The following FAM178B variants were observed in gnomAD, a reference collection of about 807,000 sequenced individuals.
FAM178B encodes protein FAM178B.
In FAM178B, 82 loss-of-function variants were observed where a neutral mutation model predicts 91.7. The observed-to-expected ratio is 0.89, with a 90% CI of 0.75 to 1.07. The LOEUF (loss-of-function observed/expected upper bound fraction) is 1.07. Ranked by LOEUF, FAM178B falls within the 50% of genes least tolerant of loss-of-function variation. The pLI, the probability that FAM178B is intolerant of heterozygous loss-of-function variation, is 0.00. For missense variants in FAM178B, 769 were observed against 846.7 expected, an observed-to-expected ratio of 0.91 and a Z score of 1.14; for synonymous variants, 368 against 359.4, an observed-to-expected ratio of 1.02 and a Z score of -0.27.
intron 8 of FAM178B, among the ~76,000 whole-genome samples, chr2:96,929,582 C>T (rs765953434): frequency 1.1e-4 from 16 of 152,222 alleles, no homozygotes; most frequent in Non-Finnish European, 2.4e-4. Context: ...ACTCCCTGAC[C>T]ATCTGGCCAT....
intron 6 of FAM178B, among the ~76,000 whole-genome samples, chr2:96,959,347 C>G (rs2082048276): frequency 6.6e-6 from 1 of 151,790 alleles, no homozygotes; most frequent in African/African-American, 2.4e-5. Context: ...GTTCTCTATA[C>G]TTTGATATGT....
At chr2:96,973,640 T>C (rs1047770161) in intron 1 of FAM178B, among the ~76,000 whole-genome samples, 1 of 152,086 alleles carries the variant, frequency 6.6e-6, no homozygotes, top group Non-Finnish European at 1.5e-5. Flanking sequence ...TCAAACTCAA[T>C]AGTGAAAGAA....
chr2:96,984,132 G>C (rs2082395888), intron 1 of FAM178B, among the ~76,000 whole-genome samples: 1 of 151,906 alleles, frequency 6.6e-6, no homozygotes, highest in Admixed American at 6.6e-5. Flanking sequence ...ACCACACCCA[G>C]CTAATTTTTA....
At chr2:96,964,325 C>G (rs1052093769) in intron 5 of FAM178B, among the ~76,000 whole-genome samples, 1 of 152,164 alleles carries the variant, frequency 6.6e-6, no homozygotes, top group Admixed American at 6.5e-5. Context: ...ACCAGGAACT[C>G]TGTGTGTTAT....
chr2:96,906,205 T>C (rs1349559370), intron 12 of FAM178B, among the ~76,000 whole-genome samples: 1 of 106,126 alleles, frequency 9.4e-6, no homozygotes. Flanking sequence ...TTTTTCTTTC[T>C]TTTTTTTTTT....
chr2:96,916,666 T>TGTTTCAGGTGGTCTGCCTTAGTATTC (rs1340281211), intron 12 of FAM178B, among the ~76,000 whole-genome samples: 1 of 152,234 alleles, frequency 6.6e-6, no homozygotes, highest in East Asian at 1.9e-4. Context: ...CCCTTGGCTC[T>TGTTTCAGGTGGTCTGCCTTAGTATTC]GTTTCAGGTG....
chr2:96,951,365 C>T lies in FAM178B; in HGVS notation c.993+14G>A, dbSNP rs752131847. 15 of 1,537,756 alleles carry T rather than the reference C, an allele frequency of 9.8e-6. No homozygotes were observed. In the Admixed American group the frequency reaches 2.7e-4, roughly 28 times the overall value. ...AGCGCTCCCGCCACCTAGTGGCAGG[C>T]CTGCGGTCCTCACCTGGAACAGCCA... On this transcript the variant is annotated intron_variant, in intron 7 of 16. Transcript: ENST00000490605.
intron 1 of FAM178B, among the ~76,000 whole-genome samples, chr2:96,975,094 CAAAAAAAAAAAAAAAA>C (rs34807786): frequency 1.8e-5 from 1 of 56,272 alleles, no homozygotes; most frequent in Non-Finnish European, 2.7e-5. Context: ...GACTCTGTCT[CAAAAAAAAAAAAAAAA>C]AAAAAAAAGA....
chr2:96,950,462 G>A (rs544001774), intron 7 of FAM178B, among the ~76,000 whole-genome samples: 1 of 152,300 alleles, frequency 6.6e-6, no homozygotes, highest in East Asian at 1.9e-4. Flanking sequence ...TCTCTGGACT[G>A]CAGCCAGCCT....
At chr2:96,906,558 A>G (rs2081059596) in intron 12 of FAM178B, among the ~76,000 whole-genome samples, 1 of 152,008 alleles carries the variant, frequency 6.6e-6, no homozygotes, top group South Asian at 2.1e-4. Flanking sequence ...TACTCACTCA[A>G]CACTTCCCAC....
rs139640542 is a variant in FAM178B at position 96,908,253 on chromosome 2, C to T, written c.1563-5546G>A. On this transcript the variant is annotated intron_variant, in intron 12 of 16. Transcript: ENST00000490605. Reference sequence around the variant, plus strand: ...GGACACAGTCGGCCACAGACCCAGACGAGTGGACCACCACAGGGCAACATG... The same window carrying T: ...GGACACAGTCGGCCACAGACCCAGATGAGTGGACCACCACAGGGCAACATG... Among the ~76,000 whole-genome samples, 10 of 152,312 alleles carry T rather than the reference C, an allele frequency of 6.6e-5. No individual in the cohort carries two copies. In the East Asian group the frequency reaches 1.7e-3, roughly 26 times the overall value.
intron 1 of FAM178B, among the ~76,000 whole-genome samples, chr2:96,981,634 G>A (rs2082361716): frequency 6.6e-6 from 1 of 151,472 alleles, no homozygotes; most frequent in Non-Finnish European, 1.5e-5. Flanking sequence ...CCAGCTACTC[G>A]GGAGGCTGAG....
At chr2:96,959,113 C>T (rs955992513) in intron 6 of FAM178B, among the ~76,000 whole-genome samples, 2 of 147,962 alleles carry the variant, frequency 1.4e-5, no homozygotes, top group African/African-American at 4.9e-5. Context: ...GCATGAGAAT[C>T]GCTTGAACCC....
At chr2:96,951,113 C>A (rs1034326025) in intron 7 of FAM178B, among the ~76,000 whole-genome samples, 1 of 152,208 alleles carries the variant, frequency 6.6e-6, no homozygotes, top group Admixed American at 6.5e-5. Context: ...CCCAGAGACA[C>A]ACACCTTCGG....
chr2:96,973,773 G>T (rs2153375889), intron 1 of FAM178B, among the ~76,000 whole-genome samples: 1 of 152,140 alleles, frequency 6.6e-6, no homozygotes, highest in Middle Eastern at 3.4e-3. Context: ...GGCCGAGGAG[G>T]GTGGGTCATC....
At chr2:96,936,464 G>A (rs1423579574) in intron 8 of FAM178B, among the ~76,000 whole-genome samples, 9 of 148,306 alleles carry the variant, frequency 6.1e-5, no homozygotes, top group Non-Finnish European at 1.3e-4. Flanking sequence ...GCCTCCCAAA[G>A]TGCTGGATTA....
At chr2:96,886,489 A>T (rs1471052503) in intron 14 of FAM178B, among the ~76,000 whole-genome samples, 2 of 152,152 alleles carry the variant, frequency 1.3e-5, no homozygotes, top group Non-Finnish European at 2.9e-5. Flanking sequence ...TTGAGCCTGG[A>T]GGAGGGGAGA....
intron 5 of FAM178B, among the ~76,000 whole-genome samples, chr2:96,964,662 C>T (rs2082122318): frequency 6.6e-6 from 1 of 152,214 alleles, no homozygotes; most frequent in South Asian, 2.1e-4. Flanking sequence ...AACAGAAAAG[C>T]CAGAAAGAAA....
At chr2:96,951,526 A>G in intron 6 of FAM178B, 42 bp from the exon 7 acceptor site, 1 of 1,464,048 alleles carries the variant, frequency 6.8e-7, no homozygotes, top group Non-Finnish European at 9.4e-7. Flanking sequence ...CCTCTGTGCC[A>G]GCACACTTGT....
Sources: gnomAD v4.1 joint callset for allele counts (sites outside exome capture counted in the v4.1 genomes callset) on GRCh38, gnomAD v4.1.1 for gene constraint, MANE v1.5 for transcripts, NCBI Gene and HGNC (gene_info 2026-07-23, HGNC 2026-07-21) for gene names.